Variants in BRINP3 observed in about 807,000 individuals in gnomAD.
BRINP3 encodes BMP/retinoic acid inducible neural specific 3, also known as BMP/retinoic acid-inducible neural-specific protein 3.
In BRINP3, 19 loss-of-function variants were observed where a neutral mutation model predicts 71.0. The ratio of observed to expected loss-of-function variants is 0.27; its 90% CI spans 0.19 to 0.39. The LOEUF is 0.39. Ranked by LOEUF, BRINP3 falls within the 10% of genes least tolerant of loss-of-function variation. BRINP3 has a pLI of 1.00. For synonymous variants in BRINP3, 380 were observed against 337.7 expected (o/e 1.13, Z -1.37); for missense variants, 959 against 940.8 (o/e 1.02, Z -0.25).
At chr1:190,428,939 C>G (rs1673906156) in intron 2 of BRINP3, among the ~76,000 whole-genome samples, 1 of 151,912 alleles carries the variant, frequency 6.6e-6, no homozygotes. Flanking sequence ...GCTTAAAGGC[C>G]TTAGGTTTAA....
chr1:190,294,811 G>T (rs1664131036), intron 2 of BRINP3, among the ~76,000 whole-genome samples: 1 of 151,934 alleles, frequency 6.6e-6, no homozygotes, highest in African/African-American at 2.4e-5. Flanking sequence ...GCCAGTGGTT[G>T]CTCTTGGCAT....
intron 6 of BRINP3, among the ~76,000 whole-genome samples, chr1:190,194,583 G>A (rs1349716919): frequency 1.3e-5 from 2 of 152,074 alleles, no homozygotes; most frequent in Non-Finnish European, 2.9e-5. Flanking sequence ...AAAACGAAAA[G>A]CAGTAGTGAA....
chr1:190,308,779 A>G (rs1665308281), intron 2 of BRINP3, among the ~76,000 whole-genome samples: 1 of 152,004 alleles, frequency 6.6e-6, no homozygotes, highest in Non-Finnish European at 1.5e-5. Flanking sequence ...CAAAGGTTAG[A>G]CTTTATAGCA....
At chr1:190,459,044 GT>G (rs1327611706) in intron 1 of BRINP3, among the ~76,000 whole-genome samples, 4 of 150,062 alleles carry the variant, frequency 2.7e-5, no homozygotes, top group East Asian at 2.0e-4. Context: ...AGTATTTATG[GT>G]TTTTTTCATA....
At chr1:190,330,611 C>G (rs979560921) in intron 2 of BRINP3, among the ~76,000 whole-genome samples, 1 of 151,908 alleles carries the variant, frequency 6.6e-6, no homozygotes, top group Admixed American at 6.6e-5. Flanking sequence ...ACCATTAGAC[C>G]CAGCAATCCC....
At chr1:190,359,810 T>G (rs1669011585) in intron 2 of BRINP3, among the ~76,000 whole-genome samples, 1 of 152,158 alleles carries the variant, frequency 6.6e-6, no homozygotes, top group Admixed American at 6.5e-5. Flanking sequence ...ATAGTAGCTG[T>G]CAGTGAGTTC....
rs900557425 is a variant in BRINP3 at position 190,476,699 on chromosome 1, G to A, written c.-51+749C>T. The stretch of plus-strand genomic sequence containing the variant: ...AATTTATCAGAACCAAGATAATCAG[G>A]GGTTTCTTCTGATTGCTCCTCTCTG... On this transcript the variant is annotated intron_variant, in intron 1 of 7. Transcript: ENST00000367462. Among the ~76,000 whole-genome samples, 6 of 152,028 alleles carry A rather than the reference G, an allele frequency of 3.9e-5. No individual in the cohort carries two copies. The East Asian group carries it at 1.2e-3, about 29-fold the overall frequency.
chr1:190,099,403 A>G (rs1651496459), intron 7 of BRINP3, among the ~76,000 whole-genome samples: 1 of 152,172 alleles, frequency 6.6e-6, no homozygotes, highest in Non-Finnish European at 1.5e-5. Context: ...ACTGCAATAC[A>G]TTTCTAAATA....
At chr1:190,453,269 G>T (rs1279749570) in intron 2 of BRINP3, among the ~76,000 whole-genome samples, 2 of 118,192 alleles carry the variant, frequency 1.7e-5, no homozygotes, top group Non-Finnish European at 3.2e-5. Context: ...CGCCCAGGCT[G>T]GAGTGTAGTG....
At chr1:190,234,533 G>C (rs1374286549) in intron 4 of BRINP3, 56 bp from the exon 5 acceptor site, 4 of 1,341,300 alleles carry the variant, frequency 3.0e-6, no homozygotes, top group Non-Finnish European at 4.3e-6. Flanking sequence ...ATGTCCTTTT[G>C]GTTCACTGTA....
chr1:190,100,571 T>G (rs539405163), intron 7 of BRINP3, among the ~76,000 whole-genome samples: 2 of 152,284 alleles, frequency 1.3e-5, no homozygotes, highest in Admixed American at 1.3e-4. Context: ...TTTTAAACCC[T>G]AAACTGAATA....
intron 3 of BRINP3, among the ~76,000 whole-genome samples, chr1:190,273,083 A>G (rs573169312): frequency 6.6e-6 from 1 of 150,690 alleles, no homozygotes; most frequent in South Asian, 2.1e-4. Flanking sequence ...CATAACTATC[A>G]TACTTTTGTA....
At chr1:190,447,545 T>A (rs13375669) in intron 2 of BRINP3, among the ~76,000 whole-genome samples, 18,330 of 146,514 alleles carry the variant, frequency 0.13, 1,252 homozygotes, top group Non-Finnish European at 0.13. Context: ...ATATATAAAA[T>A]ATATATATAT....
intron 2 of BRINP3, among the ~76,000 whole-genome samples, chr1:190,302,016 T>C (rs1664775435): frequency 6.6e-6 from 1 of 151,520 alleles, no homozygotes; most frequent in Non-Finnish European, 1.5e-5. Context: ...TGAGTACTTT[T>C]ATGTTAAAAG....
chr1:190,408,206 T>TA (rs1295547478), intron 2 of BRINP3, among the ~76,000 whole-genome samples: 46 of 30,170 alleles, frequency 1.5e-3, no homozygotes, highest in African/African-American at 2.8e-3. Flanking sequence ...TTTATTTATT[T>TA]TTTTTTTTTT....
intron 7 of BRINP3, among the ~76,000 whole-genome samples, chr1:190,106,109 G>A (rs1652140111): frequency 6.6e-6 from 1 of 151,776 alleles, no homozygotes; most frequent in South Asian, 2.1e-4. Flanking sequence ...ATGGATACAT[G>A]CAACTATTCT....
intron 2 of BRINP3, among the ~76,000 whole-genome samples, chr1:190,334,571 CT>C (rs1667168735): frequency 6.6e-6 from 1 of 151,586 alleles, no homozygotes. Context: ...CACTATATAT[CT>C]TATAAAAAGA....
intron 2 of BRINP3, among the ~76,000 whole-genome samples, chr1:190,351,948 A>G (rs1367560705): frequency 6.6e-6 from 1 of 152,086 alleles, no homozygotes; most frequent in African/African-American, 2.4e-5. Flanking sequence ...TGAATAAGTT[A>G]GAGGTAAACA....
At chr1:190,317,302 C>G (rs1665955848) in intron 2 of BRINP3, among the ~76,000 whole-genome samples, 1 of 152,026 alleles carries the variant, frequency 6.6e-6, no homozygotes, top group Non-Finnish European at 1.5e-5. Flanking sequence ...ACACCTACCC[C>G]AAACTCAGCC....
Sources: allele counts gnomAD v4.1 joint callset (sites outside exome capture counted in the v4.1 genomes callset), GRCh38; gene constraint gnomAD v4.1.1; transcripts MANE v1.5; gene names NCBI Gene and HGNC (gene_info 2026-07-23, HGNC 2026-07-21).